The following SOX5 variants were observed in gnomAD, a reference collection of about 807,000 sequenced individuals.
SOX5 encodes transcription factor SOX-5.
In SOX5, 9 loss-of-function variants were observed where a neutral mutation model predicts 92.0. That is an observed-to-expected ratio of 0.10 (90% confidence interval 0.06 to 0.17). The LOEUF (loss-of-function observed/expected upper bound fraction) is 0.17. Among genes scored for constraint, SOX5 ranks in the 10% least tolerant of loss-of-function variants. The pLI is 1.00. For synonymous variants in SOX5, 344 were observed against 336.3 expected, an observed-to-expected ratio of 1.02 and a Z score of -0.25; for missense variants, 642 against 944.5, an observed-to-expected ratio of 0.68 and a Z score of 4.20.
At chr12:24,033,876 C>A (rs746833471) in intron 4 of SOX5, among the ~76,000 whole-genome samples, 3 of 152,034 alleles carry the variant, frequency 2.0e-5, no homozygotes, top group Non-Finnish European at 4.4e-5. Context: ...ATAGCCAAAA[C>A]CACAATATAG....
At chr12:23,838,292 TG>T (rs950011228) in intron 3 of SOX5, among the ~76,000 whole-genome samples, 1 of 150,686 alleles carries the variant, frequency 6.6e-6, no homozygotes, top group Non-Finnish European at 1.5e-5. Flanking sequence ...GCTTTGTTAC[TG>T]TTTTTTTTGG....
intron 2 of SOX5, among the ~76,000 whole-genome samples, chr12:24,327,329 C>CCATA (rs1159940469): frequency 6.9e-6 from 1 of 145,012 alleles, no homozygotes; most frequent in Admixed American, 7.1e-5. Context: ...CTGAAAATGT[C>CCATA]CATACAGATG....
intron 6 of SOX5, among the ~76,000 whole-genome samples, chr12:23,723,200 C>T (rs1452122082): frequency 6.6e-6 from 1 of 152,020 alleles, no homozygotes; most frequent in Non-Finnish European, 1.5e-5. Context: ...CTTGCTCTCT[C>T]TCTCTCTTTC....
chr12:23,565,079 T>C (rs1168067668), intron 10 of SOX5, among the ~76,000 whole-genome samples: 2 of 152,172 alleles, frequency 1.3e-5, no homozygotes, highest in African/African-American at 2.4e-5. Flanking sequence ...TATTTTGCCT[T>C]TCAGAGCTAA....
At chr12:24,148,634 G>A (rs1328795587) in intron 4 of SOX5, among the ~76,000 whole-genome samples, 1 of 135,840 alleles carries the variant, frequency 7.4e-6, no homozygotes, top group Non-Finnish European at 1.5e-5. Context: ...AGGATCACTT[G>A]AGGACAAGAG....
At chr12:23,654,846 AT>A (rs2082115777) in intron 7 of SOX5, among the ~76,000 whole-genome samples, 2 of 152,236 alleles carry the variant, frequency 1.3e-5, no homozygotes, top group Non-Finnish European at 1.5e-5. Context: ...TATACATTTT[AT>A]TCGAGAGAGT....
At chr12:23,917,659 C>T (rs2097431569) in intron 1 of SOX5, among the ~76,000 whole-genome samples, 4 of 152,246 alleles carry the variant, frequency 2.6e-5, no homozygotes, top group African/African-American at 9.6e-5. Context: ...CTTTAAGTAT[C>T]CAAACACAAA....
intron 1 of SOX5, among the ~76,000 whole-genome samples, chr12:23,921,904 C>T (rs985715796): frequency 2.0e-5 from 3 of 152,288 alleles, no homozygotes; most frequent in East Asian, 1.9e-4. Flanking sequence ...CCCTGCCACT[C>T]CATTACTAAT....
At chr12:24,132,908 C>T (rs1949781270) in intron 4 of SOX5, among the ~76,000 whole-genome samples, 1 of 152,150 alleles carries the variant, frequency 6.6e-6, no homozygotes, top group Non-Finnish European at 1.5e-5. Context: ...GGACAACAAC[C>T]TGTCCATGCC....
intron 3 of SOX5, among the ~76,000 whole-genome samples, chr12:23,757,250 A>AT (rs979230124): frequency 2.6e-5 from 4 of 151,862 alleles, no homozygotes; most frequent in African/African-American, 4.8e-5. Flanking sequence ...TGAAAAATGG[A>AT]TTTTTTCCCT....
chr12:24,460,377 T>C (rs1009706419), intron 1 of SOX5, among the ~76,000 whole-genome samples: 5 of 152,218 alleles, frequency 3.3e-5, no homozygotes, highest in Non-Finnish European at 1.5e-5. Flanking sequence ...GTCACTGTAT[T>C]TTGTAGCTTT....
chr12:24,505,996 C>G (rs1472608955), intron 1 of SOX5, among the ~76,000 whole-genome samples: 2 of 152,074 alleles, frequency 1.3e-5, no homozygotes, highest in East Asian at 1.9e-4. Context: ...TAATGTAACT[C>G]CAGACAATAT....
chr12:23,821,814 T>C (rs1196284829), intron 3 of SOX5, among the ~76,000 whole-genome samples: 5 of 152,184 alleles, frequency 3.3e-5, no homozygotes, highest in Non-Finnish European at 7.3e-5. Context: ...TATTGGTCTA[T>C]TCAGGGATTT....
intron 4 of SOX5, among the ~76,000 whole-genome samples, chr12:24,116,662 T>C (rs1948037267): frequency 6.6e-6 from 1 of 152,160 alleles, no homozygotes. Flanking sequence ...ATTTTATTCA[T>C]GCATTCCACA....
rs181139773 is a variant in SOX5, at chr12:24,340,445, C to T, written c.-174+28118G>A. On this transcript the variant is annotated intron_variant, in intron 2 of 4. Coordinates refer to the SOX5 transcript ENST00000446891. Reference sequence around the variant, plus strand: ...CAGCTTGACACAACGAATCCACCTACAGATTCTTCATTTGTTGGTTTCCCA... The same window carrying T: ...CAGCTTGACACAACGAATCCACCTATAGATTCTTCATTTGTTGGTTTCCCA... Among the ~76,000 whole-genome samples, 6 of 152,348 alleles carry T rather than the reference C, an allele frequency of 3.9e-5. No individual in the cohort carries two copies. The East Asian group carries it at 1.2e-3, about 29-fold the overall frequency.
At chr12:23,820,691 A>G (rs975568953) in intron 3 of SOX5, among the ~76,000 whole-genome samples, 1 of 152,120 alleles carries the variant, frequency 6.6e-6, no homozygotes, top group Non-Finnish European at 1.5e-5. Context: ...ATCCTTTCCC[A>G]TTGCTTGTTT....
At chr12:24,214,400 G>C (rs1959000724) in intron 3 of SOX5, among the ~76,000 whole-genome samples, 1 of 152,016 alleles carries the variant, frequency 6.6e-6, no homozygotes, top group South Asian at 2.1e-4. Context: ...AGCTTGTCAT[G>C]AACCCCAAAT....
intron 3 of SOX5, among the ~76,000 whole-genome samples, chr12:23,832,618 C>T (rs546960197): frequency 6.6e-6 from 1 of 151,974 alleles, no homozygotes; most frequent in Non-Finnish European, 1.5e-5. Flanking sequence ...TTACAAAGTA[C>T]TTTGATATAC....
At chr12:24,141,163 A>C (rs1426359211) in intron 4 of SOX5, among the ~76,000 whole-genome samples, 1 of 152,154 alleles carries the variant, frequency 6.6e-6, no homozygotes, top group African/African-American at 2.4e-5. Context: ...CTTCATGGCT[A>C]AAAAACAAGG....
Sources: allele counts gnomAD v4.1 joint callset (sites outside exome capture counted in the v4.1 genomes callset), GRCh38; gene constraint gnomAD v4.1.1; transcripts MANE v1.5; gene names NCBI Gene and HGNC (gene_info 2026-07-23, HGNC 2026-07-21).